The following RPL4 variants were observed in gnomAD, a reference collection of about 807,000 sequenced individuals.
RPL4 encodes the protein large ribosomal subunit protein uL4.
A neutral mutation model predicts 47.7 loss-of-function variants in RPL4; 3 were observed. The ratio of observed to expected loss-of-function variants is 0.06; its 90% confidence interval spans 0.03 to 0.16. The LOEUF (loss-of-function observed/expected upper bound fraction) is 0.16. Ranked by LOEUF, RPL4 falls within the 10% of genes least tolerant of loss-of-function variation. The pLI, the probability that RPL4 is intolerant of heterozygous loss-of-function variation, is 1.00. For synonymous variants in RPL4, 208 were observed against 182.1 expected (o/e 1.14, Z -1.15); for missense variants, 413 against 551.3 (o/e 0.75, Z 2.51).
At chr15:66,504,765 C>T in intron 1 of RPL4, 23 bp downstream of exon 1, 2 of 1,611,854 alleles carry the variant, frequency 1.2e-6, no homozygotes, top group Non-Finnish European at 1.7e-6. Flanking sequence ...GGGGTAAGGC[C>T]AGCCAAGAGA....
Position 66,499,643 on chromosome 15 carries a change from G to A in RPL4, c.1048C>T (p.Arg350Trp), listed in dbSNP as rs747582782. 14 of 1,613,730 alleles carry A rather than the reference G, an allele frequency of 8.7e-6. No homozygotes were observed. The highest frequency in any genetic ancestry group is 9.3e-6 in the Non-Finnish European group (11 of 1,179,852). The part of the protein sequence containing the change: ...ILRQARNHKL[R>W]VDKAAAAAAA... Reference sequence around the variant, plus strand: ...GCTGCAGCAGCTGCCTTATCCACCCGGAGCTTGTGCTGCAACAAATTAGGC... The same window carrying A: ...GCTGCAGCAGCTGCCTTATCCACCCAGAGCTTGTGCTGCAACAAATTAGGC... The change falls in exon 10 of 10, where the codon CGG (arginine) becomes TGG (tryptophan). Residue 350 changes from arginine to tryptophan, a missense_variant. By Grantham distance (101) the Arg-to-Trp change is moderately radical (BLOSUM62 -3). Around this residue, in one of 4 missense-constraint regions of RPL4, gnomAD observed 134 missense variants for 122.7 expected, o/e 1.09. Coordinates refer to ENST00000307961, the MANE Select transcript of RPL4 (RefSeq NM_000968.4).
rs1456660114 is a variant in RPL4 at position 66,501,436 on chromosome 15, C to T, written c.615G>A (p.Arg205=). The T allele has an allele frequency of 1.9e-6, 3 of 1,614,078 alleles. No individual in the cohort carries two copies. The highest frequency in any genetic ancestry group is 2.5e-6 in the Non-Finnish European group (3 of 1,180,032). ...CCTCATTATAGATGATGCACGGGCC[C>T]CTGCGCTGGATACGGCGACGGTTTC... ...KMRNRRRIQR[R]GPCIIYNEDN... is the part of the protein sequence containing the mutation. Residue 205 remains arginine (R), a synonymous_variant, in exon 6 of 10, where the codon AGG becomes AGA. Transcript: ENST00000307961.
At position 66,501,084 on chromosome 15, in the gene RPL4, C is replaced by T. The variant is rs753692916; in HGVS notation, c.698G>A (p.Ser233Asn). ...AGCAAGCTTCAAAATGTTCAGCTTGCTTACATTAAGCAGAGTAATTCCTTT... is the reference window on the plus strand; with the variant it reads ...AGCAAGCTTCAAAATGTTCAGCTTGTTTACATTAAGCAGAGTAATTCCTTT... ...NIPGITLLNV[S>N]KLNILKLAPG... The change falls in exon 7 of 10, where the codon AGC becomes AAC. Residue 233 changes from serine to asparagine, a missense_variant. Physicochemically the swap from Ser to Asn is conservative, Grantham distance 46 (BLOSUM62 1). This residue lies in a region of RPL4 where 214 missense variants were observed against 304.2 expected (regional missense o/e 0.70). Coordinates refer to ENST00000307961, the MANE Select transcript of RPL4 (RefSeq NM_000968.4). 50 of 1,613,878 alleles carry T rather than the reference C, an allele frequency of 3.1e-5. No individual in the cohort carries two copies. The highest frequency in any genetic ancestry group is 3.6e-5 in the Non-Finnish European group (43 of 1,180,012).
At position 66,501,413 on chromosome 15, in the gene RPL4, T is replaced by C; in HGVS notation, c.638A>G (p.Glu213Gly). ...GAAGGCCTTGATGATACCATTATCC[T>C]CATTATAGATGATGCACGGGCCCCT... is the stretch of plus-strand genomic sequence containing the variant. ...QRRGPCIIYN[E>G]DNGIIKAFRN... The change falls in exon 6 of 10, where the codon GAG (glutamate) becomes GGG (glycine). Residue 213 changes from glutamate to glycine, a missense_variant. Around this residue, in one of 4 missense-constraint regions of RPL4, gnomAD observed 214 missense variants for 304.2 expected, o/e 0.70. Transcript: ENST00000307961. 1 of 1,614,180 alleles carries C rather than the reference T, an allele frequency of 6.2e-7. No homozygotes were observed.
chr15:66,501,173 C>CT, intron 6 of RPL4, 68 bp from the exon 7 acceptor site: 1 of 1,595,298 alleles, frequency 6.3e-7, no homozygotes, highest in Non-Finnish European at 8.6e-7. Context: ...ATCTTTATGG[C>CT]TTAAGAGCTA....
Position 66,499,502 on chromosome 15 carries a change from C to T in RPL4, c.1189G>A (p.Val397Met). 1 of 1,612,124 alleles carries T rather than the reference C, an allele frequency of 6.2e-7. No homozygotes were observed. ...VGVKKQKKPL[V>M]GKKAAATKKP... ...TTGGTAGCTGCTGCCTTTTTTCCCA[C>T]CAGAGGCTTCTTCTGCTTCTTAACA... The change falls in exon 10 of 10, where the codon GTG (valine) becomes ATG (methionine). Residue 397 changes from valine (V) to methionine (M), a missense_variant. Coordinates refer to ENST00000307961, the MANE Select transcript of RPL4 (RefSeq NM_000968.4).
rs2140717101 is a variant in RPL4, at chr15:66,502,861, G to C, written c.283-111C>G. The C allele has an allele frequency of 2.0e-6, 3 of 1,526,606 alleles. No individual in the cohort carries two copies. In the East Asian group the frequency reaches 6.8e-5, roughly 34 times the overall value. 94.6% of individuals were successfully genotyped at this position (1,526,606 alleles called of 1,614,324 possible). ...CTTCTGTACCAGCTTACTGACAGCA[G>C]GCAACTGTCGCTGAGAACAGAGTAA... On this transcript the variant is annotated intron_variant, in intron 3 of 9. Transcript: ENST00000307961.
In RPL4 at chr15:66,502,764, C is replaced by T. The variant is rs368243452; in HGVS notation, c.283-14G>A. ...TCCACGACACATCTATTTTTCCAGT[C>T]AAGAATCACATTTCTCAAATTTTAG... On this transcript the variant is annotated splice_polypyrimidine_tract_variant and intron_variant, in intron 3 of 9. Transcript: ENST00000307961. The T allele has an allele frequency of 6.2e-7, 1 of 1,614,004 alleles. No individual in the cohort carries two copies. Among genetic ancestry groups the T allele is most frequent in the Admixed American group, 1.7e-5 (1 of 60,010 alleles).
rs1018624219 is a variant in RPL4, at chr15:66,503,589, C to A, written c.4-60G>T. ...AGTAATGTTTGAAGCAAACTCTTCT[C>A]ATACGCCAACAATACCATTAAATAC... On this transcript the variant is annotated intron_variant, in intron 1 of 9. Transcript: ENST00000307961. The A allele has an allele frequency of 2.0e-6, 3 of 1,494,048 alleles. No homozygotes were observed. The African/African-American group carries it at 4.2e-5, about 21-fold the overall frequency. 92.5% of individuals were successfully genotyped at this position (1,494,048 alleles called of 1,614,324 possible).
Position 66,501,493 on chromosome 15 carries a change from A to C in RPL4, c.558T>G (p.Ser186=). ...AWNDIKKVYA[S]QRMRAGKGKM... The stretch of plus-strand genomic sequence containing the variant: ...TGCCTTTGCCAGCTCTCATTCGCTG[A>C]GAGGCATAGACCTACAAAGTGAGCA... The change falls in exon 6 of 10, where the codon TCT becomes TCG. Residue 186 remains serine, a synonymous_variant. Coordinates refer to ENST00000307961, the MANE Select transcript of RPL4 (RefSeq NM_000968.4). The C allele has an allele frequency of 1.9e-6, 3 of 1,614,176 alleles. No homozygotes were observed. Among genetic ancestry groups the C allele is most frequent in the Non-Finnish European group, 2.5e-6 (3 of 1,180,046 alleles).
Position 66,499,076 on chromosome 15 carries a change from G to A in RPL4, c.*331C>T, listed in dbSNP as rs1244855057. ...TAACCTATTTTCCATCTGGTGGGGA[G>A]CTAAACTTGAACAGCCTCTGCGTTT... On this transcript the variant is annotated 3_prime_UTR_variant, in exon 10 of 10. Coordinates refer to ENST00000307961, the MANE Select transcript of RPL4 (RefSeq NM_000968.4). The A allele has an allele frequency of 4.4e-6, 1 of 228,126 alleles. No individual in the cohort carries two copies. Among genetic ancestry groups the A allele is most frequent in the Non-Finnish European group, 8.6e-6 (1 of 115,748 alleles). The allele number at this position is 228,126 out of a possible 1,614,324, so 14.1% of individuals were successfully genotyped here.
rs369143539 is a variant in RPL4, at chr15:66,502,833, A to C, written c.283-83T>G. On this transcript the variant is annotated intron_variant, in intron 3 of 9. Transcript: ENST00000307961. ...TTCTTGCTCAGTAAGAATTTTCGTC[A>C]ACCTTCTGTACCAGCTTACTGACAG... 25 of 1,599,300 alleles carry C rather than the reference A, an allele frequency of 1.6e-5. No homozygotes were observed. In the African/African-American group the frequency reaches 3.2e-4, roughly 21 times the overall value.
rs553533388 is a variant in RPL4, at chr15:66,499,512, C to T, written c.1179G>A (p.Lys393=). 1.1e-5 allele frequency: 17 copies of T among 1,612,350 alleles called. No homozygotes were observed. Among genetic ancestry groups the T allele is most frequent in the Admixed American group, 1.0e-4 (6 of 60,004 alleles). The stretch of plus-strand genomic sequence containing the variant: ...CTGCCTTTTTTCCCACCAGAGGCTT[C>T]TTCTGCTTCTTAACACCAACAGCAG... ...KKAAVGVKKQ[K]KPLVGKKAAA... Residue 393 remains lysine (K), a synonymous_variant, in exon 10 of 10, where the codon AAG becomes AAA. Coordinates refer to ENST00000307961, the MANE Select transcript of RPL4 (RefSeq NM_000968.4).
intron 1 of RPL4, 44 bp downstream of exon 1, chr15:66,504,743 GC>G (rs1567036373): frequency 1.2e-6 from 2 of 1,608,472 alleles, no homozygotes; most frequent in East Asian, 4.5e-5. Context: ...TTCCTTACTG[GC>G]CCCGAGATAC....
chr15:66,499,418 GCTT>G lies in RPL4; in HGVS notation c.1270_1272del (p.Lys424del), dbSNP rs746071505. 4.0e-5 allele frequency: 65 copies of G among 1,606,494 alleles called. No homozygotes were observed. The Middle Eastern group carries it at 1.1e-3, about 28-fold the overall frequency. On this transcript the variant is annotated inframe_deletion, in exon 10 of 10. Transcript: ENST00000307961. ...TCAAATTTAAGAGTTTATGCAGCAG[GCTT>G]CTTCTCCTCTGTAGTAGGTTTCTTC...
Position 66,501,829 on chromosome 15 carries a change from A to G in RPL4, c.505T>C (p.Leu169=). 5 of 1,611,910 alleles carry G rather than the reference A, an allele frequency of 3.1e-6. No individual in the cohort carries two copies. Among genetic ancestry groups the G allele is most frequent in the Non-Finnish European group, 4.2e-6 (5 of 1,179,916 alleles). The change falls in exon 5 of 10, where the codon TTG becomes CTG. Residue 169 remains leucine, a synonymous_variant. Transcript: ENST00000307961. The part of the protein sequence containing the change: ...EGYKKTKEAV[L]LLKKLKAWND... ...CAGGCTTTAAGTTTCTTAAGGAGCA[A>G]AACAGCTTCCTTGGTCTTCTTGTAG...
Position 66,504,793 on chromosome 15 carries a change from C to A in RPL4, c.-3G>T. 1.2e-6 allele frequency: 2 copies of A among 1,611,996 alleles called. No homozygotes were observed. The highest frequency in any genetic ancestry group is 1.7e-6 in the Non-Finnish European group (2 of 1,179,390). ...CCAAGAGAACTTCCACTCACCATGG[C>A]GGAGAGAGGAGACAGCCACGCTCCT... On this transcript the variant is annotated 5_prime_UTR_variant, in exon 1 of 10. Coordinates refer to ENST00000307961, the MANE Select transcript of RPL4 (RefSeq NM_000968.4).
At position 66,499,051 on chromosome 15, in the gene RPL4, T is replaced by A. The variant is rs1054277298; in HGVS notation, c.*356A>T. On this transcript the variant is annotated 3_prime_UTR_variant, in exon 10 of 10. Transcript: ENST00000307961. ...GTTAAAGTTAAATCTTTACAGAATT[T>A]AACCTATTTTCCATCTGGTGGGGAG... 9.7e-6 allele frequency: 2 copies of A among 205,550 alleles called. No homozygotes were observed. Among genetic ancestry groups the A allele is most frequent in the South Asian group, 1.6e-4 (2 of 12,568 alleles). 12.7% of individuals were successfully genotyped at this position (205,550 alleles called of 1,614,324 possible). A position where few individuals can be genotyped will look rare whatever the true frequency, so the allele number is the denominator to read the frequency against.
chr15:66,500,441 G>T, intron 7 of RPL4, 65 bp from the exon 8 acceptor site: 1 of 1,396,602 alleles, frequency 7.2e-7, no homozygotes, highest in South Asian at 1.2e-5. Context: ...AAGCTCAACT[G>T]AAGCTTTATT....
Sources: gnomAD v4.1 joint callset for allele counts on GRCh38, gnomAD v4.1.1 for gene constraint, gnomAD v4.1.1 regional missense constraint, MANE v1.5 for transcripts, NCBI Gene and HGNC (gene_info 2026-07-23, HGNC 2026-07-21) for gene names.